NTMT1: variants seen among roughly 807,000 people sequenced by gnomAD.
NTMT1 encodes the protein N-terminal RCC1 methyltransferase.
In NTMT1, 8 loss-of-function variants were observed where a neutral mutation model predicts 17.5. That is an observed-to-expected ratio of 0.46 (90% CI 0.27 to 0.82). The LOEUF (loss-of-function observed/expected upper bound fraction) is 0.82, where lower values mean the gene tolerates loss of function less well. Among genes scored for constraint, NTMT1 ranks in the 40% least tolerant of loss-of-function variants. NTMT1 has a pLI of 0.15. For missense variants in NTMT1, 221 were observed against 303.5 expected (o/e 0.73, Z 2.02); for synonymous variants, 128 against 126.8 (o/e 1.01, Z -0.06).
chr9:129,632,629 C>T, intron 1 of NTMT1, 21 bp from the exon 2 acceptor site: 3 of 1,574,412 alleles, frequency 1.9e-6, no homozygotes, highest in Non-Finnish European at 2.6e-6. Context: ...CCCGCTGACT[C>T]ACGCCCCCTT....
In NTMT1 at chr9:129,613,377, G is replaced by C. The variant is rs959788221; in HGVS notation, c.-55+4199G>C. ...GCTGGGTGGGGAGGTCTGTAGGCAA[G>C]GGGGGTGGAGGGCCCTGGCAATGTC... On this transcript the variant is annotated intron_variant, in intron 1 of 3. Transcript: ENST00000372486. The surrounding 1 kb of genome is among the most constrained non-coding windows in gnomAD (Gnocchi z 6.2). The C allele has an allele frequency of 1.3e-6, 2 of 1,594,304 alleles. No individual in the cohort carries two copies. The highest frequency in any genetic ancestry group is 1.7e-6 in the Non-Finnish European group (2 of 1,167,924).
chr9:129,619,774 G>T (rs778056229), intron 1 of NTMT1: 7 of 1,614,060 alleles, frequency 4.3e-6, no homozygotes, highest in Non-Finnish European at 5.1e-6. Context: ...TTGGGACACC[G>T]CGGAGACCCT....
chr9:129,629,269 A>C (rs1194820953), intron 1 of NTMT1, among the ~76,000 whole-genome samples: 1 of 152,212 alleles, frequency 6.6e-6, no homozygotes, highest in Non-Finnish European at 1.5e-5. Context: ...CCATCAGACC[A>C]TAGCAGCCAC....
Position 129,635,295 on chromosome 9 carries a change from A to G in NTMT1, c.503A>G (p.Asn168Ser). 6 of 1,613,802 alleles carry G rather than the reference A, an allele frequency of 3.7e-6. No individual in the cohort carries two copies. Among genetic ancestry groups the G allele is most frequent in the East Asian group, 2.2e-5 (1 of 44,874 alleles). Residue 168 changes from asparagine (N) to serine (S), a missense_variant, in exon 4 of 4, where the codon AAC becomes AGC. By Grantham distance (46) the Asn-to-Ser change is conservative. Transcript: ENST00000372483. ...AACGGCATCATCGTCATCAAAGACA[A>G]CATGGCCCAGGAGGGCGTGATTCTG... ...RPNGIIVIKD[N>S]MAQEGVILDD... is the part of the protein sequence containing the mutation.
chr9:129,634,161 C>G lies in NTMT1; in HGVS notation c.270C>G (p.Val90=). 1.2e-6 allele frequency: 2 copies of G among 1,614,096 alleles called. No individual in the cohort carries two copies. Residue 90 remains valine, a synonymous_variant, in exon 3 of 4, where the codon GTC becomes GTG. Coordinates refer to ENST00000372483, the MANE Select transcript of NTMT1 (RefSeq NM_014064.4). Reference sequence around the variant, plus strand: ...CGCTGTTCAGAGAGGTGGATATGGTCGACATAACGGAGGACTTCCTGGTTC... The same window carrying G: ...CGCTGTTCAGAGAGGTGGATATGGTGGACATAACGGAGGACTTCCTGGTTC... ...LLPLFREVDM[V]DITEDFLVQA...
chr9:129,631,274 C>T (rs377756878), intron 1 of NTMT1, among the ~76,000 whole-genome samples: 1 of 152,236 alleles, frequency 6.6e-6, no homozygotes, highest in South Asian at 2.1e-4. Flanking sequence ...TTTTCTTTCC[C>T]TTTGTTCTTT....
chr9:129,615,848 C>G (rs993280211), intron 1 of NTMT1, among the ~76,000 whole-genome samples: 2 of 152,256 alleles, frequency 1.3e-5, no homozygotes, highest in Non-Finnish European at 2.9e-5. Flanking sequence ...TACACCAACC[C>G]ACCAAATGCA....
chr9:129,615,640 G>A (rs781554073), intron 1 of NTMT1: 1 of 1,559,880 alleles, frequency 6.4e-7, no homozygotes. Flanking sequence ...TGTGCACCGT[G>A]GGGCCTGCTG....
Position 129,632,719 on chromosome 9 carries a change from A to G in NTMT1, c.16A>G (p.Ile6Val). 6.2e-7 allele frequency: 1 copy of G among 1,614,082 alleles called. No individual in the cohort carries two copies. The highest frequency in any genetic ancestry group is 1.1e-5 in the South Asian group (1 of 91,060). Residue 6 changes from isoleucine to valine, a missense_variant, in exon 2 of 4, where the codon ATA (isoleucine) becomes GTA (valine). Coordinates refer to ENST00000372483, the MANE Select transcript of NTMT1 (RefSeq NM_014064.4). ...TGGTGACAGCATGACGAGCGAGGTG[A>G]TAGAAGACGAGAAGCAATTCTATTC... MTSEV[I>V]EDEKQFYSKA...
At chr9:129,619,653 C>A (rs750549247) in intron 1 of NTMT1, 2 of 1,613,416 alleles carry the variant, frequency 1.2e-6, no homozygotes, top group African/African-American at 1.3e-5. Context: ...GACAAACAGG[C>A]CACATCTGGC....
chr9:129,619,462 G>T, intron 1 of NTMT1: 2 of 1,226,402 alleles, frequency 1.6e-6, no homozygotes, highest in Non-Finnish European at 2.3e-6. Context: ...AGGAAAGAAA[G>T]AAGGAAAGAA....
chr9:129,633,234 G>C (rs1269229565), intron 2 of NTMT1: 3 of 395,044 alleles, frequency 7.6e-6, no homozygotes, highest in East Asian at 7.3e-5. Flanking sequence ...TATGTGCCAT[G>C]GTTTCCACCC....
intron 1 of NTMT1, chr9:129,619,424 G>T: frequency 1.1e-6 from 1 of 870,262 alleles, no homozygotes; most frequent in Non-Finnish European, 1.8e-6. Context: ...TAGATAGGTG[G>T]ATAAATGAAT....
chr9:129,620,498 C>T lies in NTMT1; in HGVS notation c.-55+11320C>T. 7.0e-7 allele frequency: 1 copy of T among 1,421,236 alleles called. No homozygotes were observed. The highest frequency in any genetic ancestry group is 9.2e-7 in the Non-Finnish European group (1 of 1,084,776). 88.0% of individuals were successfully genotyped at this position (1,421,236 alleles called of 1,614,324 possible). On this transcript the variant is annotated intron_variant, in intron 1 of 3. Coordinates refer to the NTMT1 transcript ENST00000372486. The surrounding 1 kb of genome is among the most constrained non-coding windows in gnomAD (Gnocchi z 5.8). ...CTTGGGCAGCCGCGGGTCGCTGCTG[C>T]GTCGGAAGTCTCCGTCGCCAGGGAG...
chr9:129,631,607 C>T (rs779022451), intron 1 of NTMT1, among the ~76,000 whole-genome samples: 2 of 152,236 alleles, frequency 1.3e-5, no homozygotes, highest in South Asian at 2.1e-4. Context: ...TCTGTTGGGC[C>T]TCAGGGTGGT....
chr9:129,619,534 G>C, intron 1 of NTMT1: 1 of 1,613,610 alleles, frequency 6.2e-7, no homozygotes, highest in Non-Finnish European at 8.5e-7. Flanking sequence ...TGGCCTTTCT[G>C]ACAGTGGTGA....
At chr9:129,615,371 C>G (rs1830313554) in intron 1 of NTMT1, 5 of 1,154,800 alleles carry the variant, frequency 4.3e-6, no homozygotes, top group African/African-American at 1.6e-5. Context: ...GATCACTGAT[C>G]TCTTGGCCTT....
intron 1 of NTMT1, among the ~76,000 whole-genome samples, chr9:129,628,963 C>T (rs1831017122): frequency 6.6e-6 from 1 of 152,204 alleles, no homozygotes; most frequent in Non-Finnish European, 1.5e-5. Flanking sequence ...GTTGTGCCAG[C>T]ATGGTGTGGA....
At chr9:129,626,636 A>T (rs1020548604) in intron 1 of NTMT1, 2 of 152,304 alleles carry the variant, frequency 1.3e-5, no homozygotes, top group African/African-American at 4.8e-5. Context: ...GAGAGCGCCC[A>T]CTTGGAGGAT....
Sources: allele counts gnomAD v4.1 joint callset (sites outside exome capture counted in the v4.1 genomes callset), GRCh38; gene constraint gnomAD v4.1.1; non-coding constraint Gnocchi (gnomAD v3.1); transcripts MANE v1.5; gene names NCBI Gene and HGNC (gene_info 2026-07-23, HGNC 2026-07-21).